GLIS3: variants seen among roughly 807,000 people sequenced by gnomAD.
GLIS3 encodes the protein zinc finger protein GLIS3.
GLIS3 carries 53 observed loss-of-function variants against 78.6 expected under a neutral mutation model. The observed-to-expected ratio is 0.67, with a 90% CI of 0.54 to 0.85. The LOEUF (loss-of-function observed/expected upper bound fraction) is 0.85, where lower values mean the gene tolerates loss of function less well. Among genes scored for constraint, GLIS3 ranks in the 40% least tolerant of loss-of-function variants. The pLI is 0.00. For missense variants in GLIS3, 1,703 were observed against 1,231.1 expected (o/e 1.38, Z -5.74); for synonymous variants, 684 against 509.9 (o/e 1.34, Z -4.60).
At chr9:4,476,354 GT>G in the GLIS3 span, among the ~76,000 whole-genome samples, 1 of 151,786 alleles carries the variant, frequency 6.6e-6, no homozygotes, top group African/African-American at 2.4e-5. Context: ...ATTCAGTGGG[GT>G]TTTTTTGTTT....
chr9:4,084,187 C>A (rs1404029727), intron 4 of GLIS3, among the ~76,000 whole-genome samples: 1 of 151,390 alleles, frequency 6.6e-6, no homozygotes, highest in African/African-American at 2.4e-5. Flanking sequence ...ACTACGAAGC[C>A]CTCAAACCAA....
At chr9:4,448,405 C>T in the GLIS3 span, among the ~76,000 whole-genome samples, 1 of 152,220 alleles carries the variant, frequency 6.6e-6, no homozygotes, top group Non-Finnish European at 1.5e-5. Flanking sequence ...GTCTCAACAG[C>T]TCCAGTATCT....
intron 2 of GLIS3, among the ~76,000 whole-genome samples, chr9:4,252,558 T>C (rs991296136): frequency 6.6e-6 from 1 of 152,154 alleles, no homozygotes; most frequent in South Asian, 2.1e-4. Context: ...ACTGCCCTTT[T>C]AGCTTCCTCC....
At chr9:4,092,026 G>A (rs767759787) in intron 4 of GLIS3, among the ~76,000 whole-genome samples, 2 of 152,120 alleles carry the variant, frequency 1.3e-5, no homozygotes, top group Admixed American at 6.5e-5. Flanking sequence ...TGAGAAACGT[G>A]AGACCCTAGG....
intron 2 of GLIS3, among the ~76,000 whole-genome samples, chr9:4,336,194 G>C (rs1817753598): frequency 6.6e-6 from 1 of 152,156 alleles, no homozygotes; most frequent in Admixed American, 6.5e-5. Flanking sequence ...ACCTAATCTT[G>C]GGAGTCTCCA....
At chr9:3,865,863 A>G (rs1459927227) in intron 8 of GLIS3, among the ~76,000 whole-genome samples, 1 of 152,154 alleles carries the variant, frequency 6.6e-6, no homozygotes, top group African/African-American at 2.4e-5. Flanking sequence ...ATGTGATTGT[A>G]ATTAATCTAA....
intron 2 of GLIS3, among the ~76,000 whole-genome samples, chr9:4,221,688 C>G (rs1821341934): frequency 6.6e-6 from 1 of 151,902 alleles, no homozygotes; most frequent in Non-Finnish European, 1.5e-5. Context: ...GGGGTTATAC[C>G]AGAAGAGAAA....
intron 4 of GLIS3, among the ~76,000 whole-genome samples, chr9:4,106,390 A>C (rs940811986): frequency 1.3e-5 from 2 of 152,186 alleles, no homozygotes; most frequent in Non-Finnish European, 2.9e-5. Flanking sequence ...CGTTTCTAAG[A>C]AGGGCGAATG....
At chr9:4,486,222 G>C in the GLIS3 span, among the ~76,000 whole-genome samples, 5 of 152,178 alleles carry the variant, frequency 3.3e-5, no homozygotes, top group South Asian at 1.0e-3. Context: ...TGTTGACATG[G>C]AGAAACCTCA....
the GLIS3 span, among the ~76,000 whole-genome samples, chr9:4,442,586 T>C: frequency 1.3e-5 from 2 of 152,064 alleles, no homozygotes; most frequent in Non-Finnish European, 1.5e-5. Context: ...GTTGCTTTTG[T>C]TTTATAATTT....
intron 4 of GLIS3, among the ~76,000 whole-genome samples, chr9:4,016,053 T>C (rs1422131119): frequency 2.6e-5 from 4 of 152,182 alleles, no homozygotes; most frequent in African/African-American, 2.4e-5. Flanking sequence ...ATTAAGCGTA[T>C]AGTACTATTA....
At chr9:4,418,238 G>A in the GLIS3 span, among the ~76,000 whole-genome samples, 1 of 147,390 alleles carries the variant, frequency 6.8e-6, no homozygotes, top group African/African-American at 2.5e-5. Flanking sequence ...AGATGGCTGA[G>A]GCAATTTTTA....
At chr9:4,279,160 G>T (rs969071394) in intron 2 of GLIS3, among the ~76,000 whole-genome samples, 1 of 151,590 alleles carries the variant, frequency 6.6e-6, no homozygotes, top group Admixed American at 6.6e-5. Context: ...GTTTCCGGGC[G>T]TGGTGGCAGG....
intron 3 of GLIS3, among the ~76,000 whole-genome samples, chr9:4,124,019 C>G (rs1457961561): frequency 6.6e-6 from 1 of 152,162 alleles, no homozygotes; most frequent in Non-Finnish European, 1.5e-5. Flanking sequence ...CTCTTTATCT[C>G]CAGTAAAATG....
At chr9:4,242,337 G>C (rs925101305) in intron 2 of GLIS3, among the ~76,000 whole-genome samples, 1 of 152,250 alleles carries the variant, frequency 6.6e-6, no homozygotes, top group Non-Finnish European at 1.5e-5. Flanking sequence ...ACCTGCCCAG[G>C]TTTGGCTATT....
At chr9:4,477,129 A>T in the GLIS3 span, among the ~76,000 whole-genome samples, 34 of 152,244 alleles carry the variant, frequency 2.2e-4, no homozygotes, top group Middle Eastern at 3.4e-3. Flanking sequence ...TCACAGCATT[A>T]TTATTCACAA....
intron 2 of GLIS3, among the ~76,000 whole-genome samples, chr9:4,174,970 T>A (rs754335071): frequency 6.6e-6 from 1 of 152,134 alleles, no homozygotes; most frequent in Non-Finnish European, 1.5e-5. Context: ...CAGAAATAGG[T>A]CAAGGGTGCA....
chr9:4,329,172 A>G (rs535528495), intron 2 of GLIS3, among the ~76,000 whole-genome samples: 29 of 152,208 alleles, frequency 1.9e-4, no homozygotes, highest in African/African-American at 7.0e-4. Context: ...GTGGCCCTTC[A>G]TTTCCTTGAA....
chr9:3,934,459 G>C (rs1239108865), intron 5 of GLIS3, among the ~76,000 whole-genome samples: 1 of 150,364 alleles, frequency 6.7e-6, no homozygotes, highest in African/African-American at 2.5e-5. Flanking sequence ...GTCCAGGCTG[G>C]AGTGCAATGG....
Sources: allele counts gnomAD v4.1 joint callset (sites outside exome capture counted in the v4.1 genomes callset), GRCh38; gene constraint gnomAD v4.1.1; transcripts MANE v1.5; gene names NCBI Gene and HGNC (gene_info 2026-07-23, HGNC 2026-07-21).